The following CYB5R4 variants were observed in gnomAD, a reference collection of about 807,000 sequenced individuals.
The protein encoded by CYB5R4 is cytochrome b5 reductase 4, also known as N-terminal cytochrome b5 and cytochrome b5 oxidoreductase domain-containing protein.
A neutral mutation model predicts 70.2 loss-of-function variants in CYB5R4; 55 were observed. The ratio of observed to expected loss-of-function variants is 0.78; its 90% confidence interval spans 0.63 to 0.98. CYB5R4 has a LOEUF of 0.98. Among genes scored for constraint, CYB5R4 ranks in the 50% least tolerant of loss-of-function variants. The probability of loss-of-function intolerance (pLI) is 0.00; values close to 1 mark genes in which losing one functional copy is unlikely to be tolerated. For missense variants in CYB5R4, 562 were observed against 612.6 expected, an observed-to-expected ratio of 0.92 and a Z score of 0.87; for synonymous variants, 197 against 199.5, an observed-to-expected ratio of 0.99 and a Z score of 0.11.
intron 10 of CYB5R4, among the ~76,000 whole-genome samples, 182 bp from the exon 11 acceptor site, chr6:83,934,413 T>G (rs141967949): frequency 3.5e-4 from 53 of 152,172 alleles, no homozygotes; most frequent in Admixed American, 3.5e-3. Flanking sequence ...TCAACACATA[T>G]CTCAGGAAAT....
At chr6:83,955,215 G>T in intron 14 of CYB5R4, 83 bp from the exon 15 acceptor site, 1 of 1,129,262 alleles carries the variant, frequency 8.9e-7, no homozygotes, top group Non-Finnish European at 1.2e-6. Context: ...TCCTTTAGGG[G>T]AGAAATATAT....
At chr6:83,915,648 G>A (rs977567845) in intron 5 of CYB5R4, among the ~76,000 whole-genome samples, 2 of 152,176 alleles carry the variant, frequency 1.3e-5, no homozygotes, top group African/African-American at 4.8e-5. Context: ...ATGGAATATA[G>A]CACTCCACAA....
intron 14 of CYB5R4, among the ~76,000 whole-genome samples, chr6:83,945,405 G>T (rs2099470417): frequency 6.6e-6 from 1 of 152,126 alleles, no homozygotes; most frequent in African/African-American, 2.4e-5. Flanking sequence ...CAGAATCTCT[G>T]GGACACAGCT....
chr6:83,924,318 T>C, intron 9 of CYB5R4, 152 bp from the exon 10 acceptor site: 2 of 636,608 alleles, frequency 3.1e-6, no homozygotes, highest in Non-Finnish European at 5.0e-6. Flanking sequence ...TGATTGTGAT[T>C]GAATATGTAA....
intron 2 of CYB5R4, among the ~76,000 whole-genome samples, chr6:83,893,275 C>A (rs368649787): frequency 6.6e-6 from 1 of 152,166 alleles, no homozygotes; most frequent in Non-Finnish European, 1.5e-5. Context: ...GAGTGCTAAA[C>A]TCTTCTTTGT....
intron 9 of CYB5R4, among the ~76,000 whole-genome samples, chr6:83,923,938 T>C (rs920512409): frequency 6.6e-6 from 1 of 150,658 alleles, no homozygotes; most frequent in Admixed American, 6.6e-5. Context: ...GGCGTGGTGG[T>C]GGGCGCCTGT....
intron 4 of CYB5R4, among the ~76,000 whole-genome samples, chr6:83,911,849 G>T (rs2099464739): frequency 6.6e-6 from 1 of 151,892 alleles, no homozygotes; most frequent in Non-Finnish European, 1.5e-5. Context: ...TTCAAGACCA[G>T]CCTGGGCTAC....
intron 3 of CYB5R4, among the ~76,000 whole-genome samples, chr6:83,905,445 T>C (rs1441507098): frequency 2.0e-5 from 3 of 152,138 alleles, no homozygotes; most frequent in African/African-American, 7.2e-5. Flanking sequence ...TGATCCTGGG[T>C]GTGTGCAGTA....
chr6:83,927,677 C>T (rs985327646), intron 10 of CYB5R4, among the ~76,000 whole-genome samples: 2 of 152,206 alleles, frequency 1.3e-5, no homozygotes, highest in East Asian at 3.8e-4. Context: ...GCATCACCCT[C>T]CAAACATTTT....
chr6:83,939,780 G>C (rs1382371589), intron 12 of CYB5R4, among the ~76,000 whole-genome samples: 1 of 152,126 alleles, frequency 6.6e-6, no homozygotes, highest in Non-Finnish European at 1.5e-5. Flanking sequence ...ACTTCAGATG[G>C]TTTGGCAAAA....
At position 83,961,142 on chromosome 6, in the gene CYB5R4, A is replaced by G. The variant is rs1338319818; in HGVS notation, c.*1264A>G. 1 of 152,198 alleles carries G rather than the reference A, an allele frequency of 6.6e-6. No individual in the cohort carries two copies. The highest frequency in any genetic ancestry group is 1.5e-5 in the Non-Finnish European group (1 of 68,044). The allele number at this position is 152,198 out of a possible 1,614,324, so 9.4% of individuals were successfully genotyped here. ...CAAATTACAGACGCCCAGCTTGTGA[A>G]GCTTCCTATGTGCAAATGGCTGGTT... On this transcript the variant is annotated 3_prime_UTR_variant, in exon 16 of 16. Transcript: ENST00000369681.
chr6:83,926,104 T>C lies in CYB5R4; in HGVS notation c.814+1512T>C, dbSNP rs2099467235. Among the ~76,000 whole-genome samples, 10 of 152,326 alleles carry C rather than the reference T, an allele frequency of 6.6e-5. No homozygotes were observed. The South Asian group carries it at 2.1e-3, about 32-fold the overall frequency. On this transcript the variant is annotated intron_variant, in intron 10 of 15. Coordinates refer to ENST00000369681, the MANE Select transcript of CYB5R4 (RefSeq NM_016230.4). ...ATATTAAATGCTTTCTTTGAATGTT[T>C]CCTAATCTTTTACTATCTGCTCATA... is the stretch of plus-strand genomic sequence containing the variant.
At position 83,921,159 on chromosome 6, in the gene CYB5R4, A is replaced by G; in HGVS notation, c.642A>G (p.Leu214=). Residue 214 remains leucine, a synonymous_variant, in exon 8 of 16, where the codon TTA becomes TTG. Transcript: ENST00000369681. ...CAGAAACAATTATTAAGGATTGTTTATATCTTATACATATTGGTGAGTACT... is the reference window on the plus strand; with the variant it reads ...CAGAAACAATTATTAAGGATTGTTTGTATCTTATACATATTGGTGAGTACT... The part of the protein sequence containing the change: ...FRAETIIKDC[L]YLIHIGLSHE... 1 of 1,513,736 alleles carries G rather than the reference A, an allele frequency of 6.6e-7. No individual in the cohort carries two copies. 93.8% of individuals were successfully genotyped at this position (1,513,736 alleles called of 1,614,324 possible). A position where few individuals can be genotyped will look rare whatever the true frequency, so the allele number is the denominator to read the frequency against.
intron 2 of CYB5R4, among the ~76,000 whole-genome samples, chr6:83,892,190 A>C (rs906251637): frequency 5.3e-5 from 8 of 152,240 alleles, no homozygotes; most frequent in African/African-American, 1.9e-4. Context: ...TGCTGCTGAA[A>C]GAAATTCTGT....
Position 83,965,637 on chromosome 6 carries a change from G to A in CYB5R4, c.*5759G>A, listed in dbSNP as rs2099473941. On this transcript the variant is annotated 3_prime_UTR_variant, in exon 16 of 16. Transcript: ENST00000369681. ...ATGCTGAAATGATTTAAGACTTTGG[G>A]GTACTGTTGGGAATGCATGATTGGT... The A allele has an allele frequency of 1.3e-5, 2 of 152,076 alleles. No homozygotes were observed. The highest frequency in any genetic ancestry group is 6.5e-5 in the Admixed American group (1 of 15,276). The allele number at this position is 152,076 out of a possible 1,614,324, so 9.4% of individuals were successfully genotyped here.
chr6:83,901,403 C>T (rs1588570003), intron 3 of CYB5R4, among the ~76,000 whole-genome samples: 1 of 152,166 alleles, frequency 6.6e-6, no homozygotes. Context: ...TTTTTTCCTT[C>T]ATTTCAACTT....
At chr6:83,878,587 C>A (rs1481816218) in intron 2 of CYB5R4, among the ~76,000 whole-genome samples, 1 of 152,164 alleles carries the variant, frequency 6.6e-6, no homozygotes, top group Non-Finnish European at 1.5e-5. Flanking sequence ...ACCTTGTGAT[C>A]CACCTGCCTC....
chr6:83,950,098 T>G (rs1185043498), intron 14 of CYB5R4, among the ~76,000 whole-genome samples: 1 of 152,166 alleles, frequency 6.6e-6, no homozygotes, highest in Non-Finnish European at 1.5e-5. Flanking sequence ...TCAGGAGAAT[T>G]GCAAAAATAT....
chr6:83,943,309 C>A (rs1048237525), intron 14 of CYB5R4, among the ~76,000 whole-genome samples: 1 of 152,208 alleles, frequency 6.6e-6, no homozygotes, highest in Non-Finnish European at 1.5e-5. Context: ...GCTGGTGATA[C>A]CCAGGAAAAC....
Sources: gnomAD v4.1 joint callset for allele counts (sites outside exome capture counted in the v4.1 genomes callset) on GRCh38, gnomAD v4.1.1 for gene constraint, MANE v1.5 for transcripts, NCBI Gene and HGNC (gene_info 2026-07-23, HGNC 2026-07-21) for gene names.